EVC2: variants seen among roughly 807,000 people sequenced by gnomAD.
EVC2 encodes EvC ciliary complex subunit 2.
EVC2 carries 148 observed loss-of-function variants against 149.3 expected under a neutral mutation model. The ratio of observed to expected loss-of-function variants is 0.99; its 90% CI spans 0.87 to 1.14. The LOEUF (loss-of-function observed/expected upper bound fraction) is 1.14. Among genes scored for constraint, EVC2 ranks in the 50% most tolerant of loss-of-function variants. EVC2 has a pLI of 0.00. For missense variants in EVC2, 1,854 were observed against 1,627.3 expected (o/e 1.14, Z -2.40); for synonymous variants, 776 against 649.9 (o/e 1.19, Z -2.95).
At chr4:5,646,601 A>G (rs1306124956) in intron 9 of EVC2, among the ~76,000 whole-genome samples, 1 of 152,152 alleles carries the variant, frequency 6.6e-6, no homozygotes, top group Non-Finnish European at 1.5e-5. Flanking sequence ...ATGTATAATT[A>G]TTTCTCTTGT....
chr4:5,636,971 G>T lies in EVC2; in HGVS notation c.1470+3543C>A, dbSNP rs1176010978. On this transcript the variant is annotated intron_variant, in intron 10 of 21. Transcript: ENST00000344408. The surrounding 1 kb of genome is among the most constrained non-coding windows in gnomAD (Gnocchi z 4.6). ...CTGGAAACAGATTGGTTCAAATAAGGCGGCTGCTTGTCTTTGAACAGAGTG... is the reference window on the plus strand; with the variant it reads ...CTGGAAACAGATTGGTTCAAATAAGTCGGCTGCTTGTCTTTGAACAGAGTG... Among the ~76,000 whole-genome samples, 3 of 152,140 alleles carry T rather than the reference G, an allele frequency of 2.0e-5. No individual in the cohort carries two copies. Among genetic ancestry groups the T allele is most frequent in the African/African-American group, 4.8e-5 (2 of 41,428 alleles).
In EVC2 at chr4:5,562,744, C is replaced by T; in HGVS notation, c.*104G>A. ...ACGGGGTCTGTGCCTTCTGCATGTG[C>T]AATTTATATTTGCGAGTTGTGCATT... On this transcript the variant is annotated 3_prime_UTR_variant, in exon 22 of 22. Transcript: ENST00000344408. The surrounding 1 kb of genome is among the most constrained non-coding windows in gnomAD (Gnocchi z 4.3). The T allele has an allele frequency of 6.3e-7, 1 of 1,596,360 alleles. No homozygotes were observed. Among genetic ancestry groups the T allele is most frequent in the African/African-American group, 1.3e-5 (1 of 74,830 alleles).
At chr4:5,612,710 C>A (rs1046403198) in intron 16 of EVC2, among the ~76,000 whole-genome samples, 1 of 152,020 alleles carries the variant, frequency 6.6e-6, no homozygotes, top group African/African-American at 2.4e-5. Context: ...ATCACGAGGT[C>A]AGGAGATCCA....
intron 18 of EVC2, among the ~76,000 whole-genome samples, chr4:5,575,498 T>C (rs891781171): frequency 3.9e-5 from 6 of 152,218 alleles, no homozygotes; most frequent in Non-Finnish European, 5.9e-5. Context: ...AAGAGCGTGA[T>C]AGGATGAATG....
chr4:5,685,315 A>T, intron 6 of EVC2, 55 bp downstream of exon 6: 1 of 1,549,350 alleles, frequency 6.5e-7, no homozygotes, highest in Non-Finnish European at 8.9e-7. Flanking sequence ...CCCTATTTCT[A>T]AAACAACCTC....
At chr4:5,547,084 G>A (rs190100558) in intron 21 of EVC2, among the ~76,000 whole-genome samples, 39 of 152,352 alleles carry the variant, frequency 2.6e-4, no homozygotes, top group Admixed American at 1.5e-3. Context: ...AGGCCCCCAT[G>A]CCCTTGCAGG....
In EVC2 at chr4:5,631,831, C is replaced by T; in HGVS notation, c.1672G>A (p.Ala558Thr). Residue 558 changes from alanine (A) to threonine (T), a missense_variant, in exon 11 of 22, where the codon GCA becomes ACA. Coordinates refer to ENST00000344408, the MANE Select transcript of EVC2 (RefSeq NM_147127.5). ...AIFKGELKPE[A>T]AKMLLQNYSK... ...TAATTTTGCAGCAGCATTTTAGCTGCCTCTGGTTTCAATTCCCCTTTGAAA... is the reference window on the plus strand; with the variant it reads ...TAATTTTGCAGCAGCATTTTAGCTGTCTCTGGTTTCAATTCCCCTTTGAAA... The T allele has an allele frequency of 6.2e-7, 1 of 1,614,140 alleles. No homozygotes were observed. The highest frequency in any genetic ancestry group is 2.2e-5 in the East Asian group (1 of 44,890).
At chr4:5,539,310 T>C (rs917635503), downstream of EVC2, among the ~76,000 whole-genome samples, 1 of 152,194 alleles carries the variant, frequency 6.6e-6, no homozygotes, top group Non-Finnish European at 1.5e-5. Flanking sequence ...AGAGCTATAC[T>C]GTATTTGTGG....
intron 2 of EVC2, among the ~76,000 whole-genome samples, chr4:5,694,965 A>G (rs1721376380): frequency 6.6e-6 from 1 of 152,168 alleles, no homozygotes; most frequent in African/African-American, 2.4e-5. Flanking sequence ...CGCCTACTGC[A>G]GAGTAAGCCC....
intron 3 of EVC2, among the ~76,000 whole-genome samples, chr4:5,693,846 T>C (rs1299153245): frequency 6.6e-6 from 1 of 152,212 alleles, no homozygotes; most frequent in East Asian, 1.9e-4. Flanking sequence ...CTGTGGGACA[T>C]GGAACTAGTT....
chr4:5,627,604 T>C (rs532858031), intron 12 of EVC2, among the ~76,000 whole-genome samples: 1 of 152,300 alleles, frequency 6.6e-6, no homozygotes, highest in East Asian at 1.9e-4. Context: ...ATTTCAGAGC[T>C]TTTTGTAACC....
chr4:5,579,822 C>G (rs1335077667), intron 17 of EVC2, among the ~76,000 whole-genome samples: 2 of 152,208 alleles, frequency 1.3e-5, no homozygotes, highest in East Asian at 3.8e-4. Context: ...GCCTGGGTGA[C>G]AGTGACTGTC....
intron 7 of EVC2, among the ~76,000 whole-genome samples, chr4:5,676,421 A>T (rs1719997681): frequency 1.3e-5 from 2 of 152,172 alleles, no homozygotes; most frequent in African/African-American, 2.4e-5. Context: ...GCCTGATGCA[A>T]ATGTCAGGGG....
In EVC2 at chr4:5,679,133, C is replaced by A. The variant is rs1363766542; in HGVS notation, c.870+2127G>T. 6.6e-6 allele frequency among the ~76,000 whole-genome samples: 1 copy of A among 151,924 alleles called. No individual in the cohort carries two copies. Among genetic ancestry groups the A allele is most frequent in the East Asian group, 1.9e-4 (1 of 5,196 alleles). Reference sequence around the variant, plus strand: ...CTCGAGCTTGCAGGTCTGGAAGTTGCTCTGGGCCAGTCAGTGAGTGAGTGG... The same window carrying A: ...CTCGAGCTTGCAGGTCTGGAAGTTGATCTGGGCCAGTCAGTGAGTGAGTGG... On this transcript the variant is annotated intron_variant, in intron 7 of 21. Transcript: ENST00000344408. The surrounding 1 kb of genome is among the most constrained non-coding windows in gnomAD (Gnocchi z 5.1).
the EVC2 span, among the ~76,000 whole-genome samples, chr4:5,535,836 G>C: frequency 1.3e-5 from 2 of 152,092 alleles, no homozygotes; most frequent in African/African-American, 4.8e-5. This position sits in a 1 kb window ranked among gnomAD's most constrained non-coding sequence, Gnocchi z 4.7. Flanking sequence ...ATCATTAGGA[G>C]GGATATTTTC....
chr4:5,566,952 TG>T (rs1722326140), intron 20 of EVC2, among the ~76,000 whole-genome samples: 1 of 152,096 alleles, frequency 6.6e-6, no homozygotes, highest in Non-Finnish European at 1.5e-5. Context: ...CTGTGAAACC[TG>T]GTTTTATTTT....
chr4:5,598,124 A>T (rs1166711279), intron 16 of EVC2, among the ~76,000 whole-genome samples: 1 of 150,700 alleles, frequency 6.6e-6, no homozygotes, highest in Non-Finnish European at 1.5e-5. Flanking sequence ...AATCAATATC[A>T]TGAAAATGGC....
intron 21 of EVC2, among the ~76,000 whole-genome samples, chr4:5,554,892 G>A (rs529443649): frequency 8.7e-4 from 132 of 152,312 alleles, no homozygotes; most frequent in African/African-American, 2.9e-3. Context: ...AGAAGGAAAT[G>A]TATTTAATTC....
At chr4:5,619,596 T>C (rs1039578342) in intron 14 of EVC2, among the ~76,000 whole-genome samples, 2 of 152,220 alleles carry the variant, frequency 1.3e-5, no homozygotes, top group Admixed American at 6.5e-5. Flanking sequence ...TCTGTTGTTT[T>C]AAGCCACCAG....
Sources: gnomAD v4.1 joint callset for allele counts (sites outside exome capture counted in the v4.1 genomes callset) on GRCh38, gnomAD v4.1.1 for gene constraint, Gnocchi (gnomAD v3.1) non-coding constraint, MANE v1.5 for transcripts, NCBI Gene and HGNC (gene_info 2026-07-23, HGNC 2026-07-21) for gene names.